Variants in MED13 observed in about 807,000 individuals in gnomAD.
MED13 encodes mediator of RNA polymerase II transcription subunit 13.
A neutral mutation model predicts 225.2 loss-of-function variants in MED13; 23 were observed. The observed-to-expected ratio is 0.10, with a 90% CI of 0.07 to 0.14. The LOEUF (loss-of-function observed/expected upper bound fraction) is 0.14, where lower values mean the gene tolerates loss of function less well. Ranked by LOEUF, MED13 falls within the 10% of genes least tolerant of loss-of-function variation. The pLI, the probability that MED13 is intolerant of heterozygous loss-of-function variation, is 1.00. For synonymous variants in MED13, 942 were observed against 889.2 expected (o/e 1.06, Z -1.06); for missense variants, 2,197 against 2,594.5 (o/e 0.85, Z 3.33).
intron 12 of MED13, among the ~76,000 whole-genome samples, chr17:61,986,620 T>C (rs1278581403): frequency 6.6e-6 from 1 of 152,148 alleles, no homozygotes; most frequent in Non-Finnish European, 1.5e-5. Flanking sequence ...ACAAAGCAAA[T>C]AACTTTAATG....
At chr17:62,054,635 CAATT>C (rs1244274535) in intron 2 of MED13, among the ~76,000 whole-genome samples, 1 of 152,102 alleles carries the variant, frequency 6.6e-6, no homozygotes. Flanking sequence ...AAAAGAATCT[CAATT>C]GATCTGCTTT....
chr17:61,965,264 G>A lies in MED13; in HGVS notation c.4586C>T (p.Ala1529Val). The change falls in exon 20 of 30, where the codon GCT (alanine) becomes GTT (valine). Residue 1529 changes from alanine to valine, a missense_variant. Physicochemically the swap from Ala to Val is moderately conservative, Grantham distance 64 (BLOSUM62 0). Coordinates refer to ENST00000397786, the MANE Select transcript of MED13 (RefSeq NM_005121.3). The part of the protein sequence containing the change: ...GVAISTSVAT[A>V]NSTLTTASTS... Reference sequence around the variant, plus strand: ...TGAAGCTGTGGTCAAAGTTGAATTAGCTGTGGCAACTGAAGTAGATATGGC... The same window carrying A: ...TGAAGCTGTGGTCAAAGTTGAATTAACTGTGGCAACTGAAGTAGATATGGC... The A allele has an allele frequency of 6.2e-7, 1 of 1,614,148 alleles. No individual in the cohort carries two copies. The highest frequency in any genetic ancestry group is 2.2e-5 in the East Asian group (1 of 44,890).
rs756120131 is a variant in MED13 at position 61,985,097 on chromosome 17, A to G, written c.2386-7T>C. 5.0e-6 allele frequency: 8 copies of G among 1,607,018 alleles called. No homozygotes were observed. In the East Asian group the frequency reaches 1.8e-4, roughly 36 times the overall value. On this transcript the variant is annotated splice_polypyrimidine_tract_variant and splice_region_variant and intron_variant, in intron 12 of 29. Transcript: ENST00000397786. ...CTGATTTTTTAGATCCAGGCTATTT[A>G]AAAAAAGCACATATTTATCTAAAAT...
intron 26 of MED13, 74 bp downstream of exon 26, chr17:61,955,308 A>G: frequency 8.1e-7 from 1 of 1,227,142 alleles, no homozygotes; most frequent in African/African-American, 1.5e-5. Flanking sequence ...TAACATTCAC[A>G]CGTTTCAGGT....
Position 61,944,971 on chromosome 17 carries a change from G to T in MED13, c.*1497C>A, listed in dbSNP as rs1054599758. 6.6e-6 allele frequency: 1 copy of T among 152,560 alleles called. No individual in the cohort carries two copies. Among genetic ancestry groups the T allele is most frequent in the Admixed American group, 6.5e-5 (1 of 15,268 alleles). 9.5% of individuals were successfully genotyped at this position (152,560 alleles called of 1,614,324 possible). A position where few individuals can be genotyped will look rare whatever the true frequency, so the allele number is the denominator to read the frequency against. ...GGGAAAGTTGTATTGAAGGAGGGGT[G>T]AATTAAAGTCCCTAAAATTCAAGTC... On this transcript the variant is annotated 3_prime_UTR_variant, in exon 30 of 30. Coordinates refer to ENST00000397786, the MANE Select transcript of MED13 (RefSeq NM_005121.3).
At chr17:62,059,630 G>C (rs528827904) in intron 2 of MED13, among the ~76,000 whole-genome samples, 223 of 152,300 alleles carry the variant, frequency 1.5e-3, no homozygotes, top group African/African-American at 5.2e-3. Flanking sequence ...TCTCAGGGGA[G>C]CTTAGAAGAA....
intron 21 of MED13, among the ~76,000 whole-genome samples, 192 bp downstream of exon 21, chr17:61,962,560 T>G (rs529329271): frequency 2.0e-5 from 3 of 152,316 alleles, no homozygotes; most frequent in African/African-American, 7.2e-5. Context: ...TCTGTATTAT[T>G]ACTGTCATAT....
chr17:62,015,294 A>C (rs1321101054), intron 8 of MED13, among the ~76,000 whole-genome samples: 2 of 152,228 alleles, frequency 1.3e-5, no homozygotes, highest in African/African-American at 2.4e-5. Flanking sequence ...GTAATATTTA[A>C]GATTTGCTTT....
intron 11 of MED13, among the ~76,000 whole-genome samples, chr17:61,990,442 GTCTCCATTGT>G (rs2080285972): frequency 6.6e-6 from 1 of 151,848 alleles, no homozygotes; most frequent in South Asian, 2.1e-4. Flanking sequence ...CCTCATACCA[GTCTCCATTGT>G]TTAAATTATA....
At chr17:62,051,640 A>G (rs1568003853) in intron 3 of MED13, among the ~76,000 whole-genome samples, 2 of 152,080 alleles carry the variant, frequency 1.3e-5, no homozygotes, top group African/African-American at 4.8e-5. Context: ...TTGAAAAAAC[A>G]AACAAACAAA....
At chr17:62,045,956 A>G (rs1160730959) in intron 3 of MED13, among the ~76,000 whole-genome samples, 1 of 152,224 alleles carries the variant, frequency 6.6e-6, no homozygotes, top group Non-Finnish European at 1.5e-5. Context: ...AATTTTAAAG[A>G]AAGGAAAAAG....
At chr17:61,968,013 T>G (rs779920369) in intron 18 of MED13, 22 bp downstream of exon 18, 4 of 1,556,576 alleles carry the variant, frequency 2.6e-6, no homozygotes, top group Non-Finnish European at 3.5e-6. Context: ...TTTTAAAATG[T>G]CATCTCTTTT....
rs1329471392 is a variant in MED13 at position 61,968,274 on chromosome 17, G to A, written c.3968-16C>T. 1.3e-6 allele frequency: 2 copies of A among 1,555,108 alleles called. No individual in the cohort carries two copies. The highest frequency in any genetic ancestry group is 1.8e-6 in the Non-Finnish European group (2 of 1,142,838). ...TCATCAGTTCCTAAATAAGAAAGAT[G>A]TATTTTAAGAAAACACTTAAAAACA... On this transcript the variant is annotated splice_polypyrimidine_tract_variant and intron_variant, in intron 17 of 29. Transcript: ENST00000397786.
intron 9 of MED13, among the ~76,000 whole-genome samples, chr17:61,998,420 A>G (rs1163475152): frequency 6.6e-6 from 1 of 152,170 alleles, no homozygotes; most frequent in Non-Finnish European, 1.5e-5. Context: ...CCTGAAATGT[A>G]CTCATATAGA....
intron 3 of MED13, among the ~76,000 whole-genome samples, chr17:62,037,188 G>C (rs1010327874): frequency 1.3e-5 from 2 of 152,074 alleles, no homozygotes; most frequent in African/African-American, 4.8e-5. Flanking sequence ...ACGATGTGGA[G>C]GCTGCAGTGA....
intron 3 of MED13, 136 bp from the exon 4 acceptor site, chr17:62,035,744 AT>A (rs1232848721): frequency 2.7e-6 from 2 of 728,822 alleles, no homozygotes; most frequent in Admixed American, 6.0e-5. Flanking sequence ...AAGAAAAAAA[AT>A]CATGGATATG....
At chr17:62,051,940 G>A (rs1210349732) in intron 3 of MED13, among the ~76,000 whole-genome samples, 1 of 152,138 alleles carries the variant, frequency 6.6e-6, no homozygotes, top group East Asian at 1.9e-4. Context: ...AATTGCATAG[G>A]AGAAGGAGGT....
intron 28 of MED13, among the ~76,000 whole-genome samples, chr17:61,948,314 C>A (rs554417709): frequency 5.7e-4 from 87 of 152,266 alleles, no homozygotes; most frequent in African/African-American, 2.1e-3. Context: ...AGGGTGAATG[C>A]CCGCTTTATA....
chr17:61,947,194 G>T (rs1056319048), intron 28 of MED13, among the ~76,000 whole-genome samples, 177 bp from the exon 29 acceptor site: 147 of 127,750 alleles, frequency 1.2e-3, no homozygotes, highest in African/African-American at 3.2e-3. Flanking sequence ...TTATAGAAAT[G>T]TTTTTTTTTT....
Sources: gnomAD v4.1 joint callset for allele counts (sites outside exome capture counted in the v4.1 genomes callset) on GRCh38, gnomAD v4.1.1 for gene constraint, MANE v1.5 for transcripts, NCBI Gene and HGNC (gene_info 2026-07-23, HGNC 2026-07-21) for gene names.